TLK2: variants seen among roughly 807,000 people sequenced by gnomAD.
TLK2 encodes serine/threonine-protein kinase tousled-like 2.
In TLK2, 6 loss-of-function variants were observed where a neutral mutation model predicts 117.3. The ratio of observed to expected loss-of-function variants is 0.05; its 90% CI spans 0.03 to 0.10. The LOEUF (loss-of-function observed/expected upper bound fraction) is 0.10, where lower values mean the gene tolerates loss of function less well. Ranked by LOEUF, TLK2 falls within the 10% of genes least tolerant of loss-of-function variation. TLK2 has a pLI of 1.00. For synonymous variants in TLK2, 257 were observed against 316.7 expected, an observed-to-expected ratio of 0.81 and a Z score of 2.00; for missense variants, 299 against 901.2, an observed-to-expected ratio of 0.33 and a Z score of 8.56.
At chr17:62,517,144 A>T (rs1267678891) in intron 2 of TLK2, among the ~76,000 whole-genome samples, 2 of 152,274 alleles carry the variant, frequency 1.3e-5, no homozygotes, top group East Asian at 3.9e-4. Flanking sequence ...ACCTCAAGTG[A>T]TCCGCCTGCC....
intron 2 of TLK2, among the ~76,000 whole-genome samples, chr17:62,490,533 T>C (rs1290454207): frequency 6.6e-6 from 1 of 152,104 alleles, no homozygotes; most frequent in Admixed American, 6.6e-5. Context: ...CTTAATTTCA[T>C]AGATTTTTCT....
intron 16 of TLK2, among the ~76,000 whole-genome samples, chr17:62,587,597 C>T (rs549414765): frequency 6.6e-6 from 1 of 152,250 alleles, no homozygotes; most frequent in African/African-American, 2.4e-5. Context: ...GTGCTCAGCA[C>T]TGGAGAAGGG....
In TLK2 at chr17:62,614,173, A is replaced by G. The variant is rs1028720885; in HGVS notation, c.*1608A>G. On this transcript the variant is annotated 3_prime_UTR_variant, in exon 22 of 22. Transcript: ENST00000346027. Reference sequence around the variant, plus strand: ...AGAAATAGATGTTTCAAATATGAACATTCTTTTGGCACCAATTTTCTTTTT... The same window carrying G: ...AGAAATAGATGTTTCAAATATGAACGTTCTTTTGGCACCAATTTTCTTTTT... The G allele has an allele frequency of 6.6e-6, 1 of 151,472 alleles. No homozygotes were observed. Among genetic ancestry groups the G allele is most frequent in the Non-Finnish European group, 1.5e-5 (1 of 67,936 alleles). 9.4% of individuals were successfully genotyped at this position (151,472 alleles called of 1,614,324 possible).
chr17:62,471,199 C>CT (rs1438134890), intron 1 of TLK2: 2 of 152,236 alleles, frequency 1.3e-5, no homozygotes, highest in African/African-American at 4.8e-5. Flanking sequence ...GTGCTCTTGA[C>CT]TGCCTGGCTG....
chr17:62,577,043 A>G (rs1347159656), intron 13 of TLK2, among the ~76,000 whole-genome samples: 1 of 138,748 alleles, frequency 7.2e-6, no homozygotes, highest in Admixed American at 7.9e-5. Context: ...GCTCACTGCA[A>G]CCTCCACCTC....
At chr17:62,476,415 C>T (rs2071046208), upstream of TLK2, among the ~76,000 whole-genome samples, 1 of 151,902 alleles carries the variant, frequency 6.6e-6, no homozygotes, top group South Asian at 2.1e-4. Context: ...AACTCCGTCT[C>T]TACTAAAAAC....
intron 16 of TLK2, among the ~76,000 whole-genome samples, chr17:62,594,505 A>G (rs1404346980): frequency 2.6e-5 from 4 of 152,166 alleles, no homozygotes; most frequent in African/African-American, 4.8e-5. Flanking sequence ...AACAAAACCA[A>G]TTTTACCATA....
At chr17:62,498,625 A>G (rs1200759621) in intron 2 of TLK2, among the ~76,000 whole-genome samples, 2 of 152,140 alleles carry the variant, frequency 1.3e-5, no homozygotes, top group African/African-American at 2.4e-5. Context: ...TCCTGACCTC[A>G]GGTTATCCAC....
chr17:62,496,683 C>T (rs1251325106), intron 2 of TLK2, among the ~76,000 whole-genome samples: 8 of 152,008 alleles, frequency 5.3e-5, no homozygotes, highest in Non-Finnish European at 1.0e-4. Flanking sequence ...GGGCTGGGCA[C>T]GGTGTCTCAC....
At chr17:62,523,407 T>C (rs1277495091) in intron 5 of TLK2, among the ~76,000 whole-genome samples, 1 of 152,106 alleles carries the variant, frequency 6.6e-6, no homozygotes, top group African/African-American at 2.4e-5. Context: ...GGGGAAACCC[T>C]GTCTCTACAA....
intron 13 of TLK2, 130 bp from the exon 14 acceptor site, chr17:62,578,343 TAAAG>T (rs925349925): frequency 1.1e-4 from 76 of 697,912 alleles, no homozygotes; most frequent in Middle Eastern, 3.9e-4. Context: ...TTAAAATTCT[TAAAG>T]AAATCTTTCA....
At chr17:62,526,527 G>A (rs1048010932) in intron 6 of TLK2, among the ~76,000 whole-genome samples, 3 of 152,146 alleles carry the variant, frequency 2.0e-5, no homozygotes, top group Non-Finnish European at 4.4e-5. Flanking sequence ...GAATGAACTT[G>A]CTAGCCCTTC....
chr17:62,477,077 C>G (rs567632640), upstream of TLK2, among the ~76,000 whole-genome samples: 1 of 151,648 alleles, frequency 6.6e-6, no homozygotes, highest in Non-Finnish European at 1.5e-5. Flanking sequence ...GGCGACAGAG[C>G]GAGACTCTGT....
chr17:62,552,520 G>A, intron 8 of TLK2, 123 bp downstream of exon 8: 1 of 1,495,310 alleles, frequency 6.7e-7, no homozygotes, highest in East Asian at 2.4e-5. Flanking sequence ...CATTATTTGT[G>A]TGTATTATAT....
At chr17:62,566,950 G>A (rs936524374) in intron 11 of TLK2, among the ~76,000 whole-genome samples, 1 of 152,154 alleles carries the variant, frequency 6.6e-6, no homozygotes, top group Non-Finnish European at 1.5e-5. Context: ...GCTTTTGGCC[G>A]GGCACAGTGG....
intron 16 of TLK2, among the ~76,000 whole-genome samples, chr17:62,590,568 A>T (rs2082002463): frequency 6.6e-6 from 1 of 152,264 alleles, no homozygotes; most frequent in African/African-American, 2.4e-5. Context: ...CAGTTGCAGA[A>T]GCTCCGTGTA....
At chr17:62,484,715 C>T (rs542291694) in intron 2 of TLK2, among the ~76,000 whole-genome samples, 2 of 152,236 alleles carry the variant, frequency 1.3e-5, no homozygotes, top group Admixed American at 6.5e-5. Flanking sequence ...AAACTCCTCT[C>T]CCTGGCTTTG....
chr17:62,560,890 A>G (rs961534181), intron 10 of TLK2, among the ~76,000 whole-genome samples: 2 of 151,986 alleles, frequency 1.3e-5, no homozygotes, highest in Non-Finnish European at 2.9e-5. Context: ...GGTTAGTTAC[A>G]TATGTATACA....
At chr17:62,566,019 C>A (rs940061735) in intron 11 of TLK2, among the ~76,000 whole-genome samples, 7 of 152,178 alleles carry the variant, frequency 4.6e-5, no homozygotes, top group Non-Finnish European at 1.0e-4. Context: ...CTTGAACATT[C>A]ATTGTCTTTG....
Sources: gnomAD v4.1 joint callset for allele counts (sites outside exome capture counted in the v4.1 genomes callset) on GRCh38, gnomAD v4.1.1 for gene constraint, MANE v1.5 for transcripts, NCBI Gene and HGNC (gene_info 2026-07-23, HGNC 2026-07-21) for gene names.